The following ETV5 variants were observed in gnomAD, a reference collection of about 807,000 sequenced individuals.
ETV5 encodes ETS translocation variant 5.
A neutral mutation model predicts 70.0 loss-of-function variants in ETV5; 10 were observed. That is an observed-to-expected ratio of 0.14 (90% CI 0.09 to 0.24). The LOEUF (loss-of-function observed/expected upper bound fraction) is 0.24, where lower values mean the gene tolerates loss of function less well. Ranked by LOEUF, ETV5 falls within the 10% of genes least tolerant of loss-of-function variation. The pLI is 1.00. For synonymous variants in ETV5, 216 were observed against 242.2 expected, an observed-to-expected ratio of 0.89 and a Z score of 1.01; for missense variants, 453 against 651.2, an observed-to-expected ratio of 0.70 and a Z score of 3.31.
Position 186,065,911 on chromosome 3 carries a change from T to C in ETV5, c.812A>G (p.Tyr271Cys), listed in dbSNP as rs770229110. Residue 271 changes from tyrosine (Y) to cysteine (C), a missense_variant, in exon 8 of 13, where the codon TAT becomes TGT. This residue lies in a region of ETV5 where 307 missense variants were observed against 344.9 expected (regional missense o/e 0.89). Coordinates refer to ENST00000306376, the MANE Select transcript of ETV5 (RefSeq NM_004454.3). ...TGGCATGCCCGGGACCCCATGTTCA[T>C]AGAGTGGGTCATGGTATTCTTGTTT... ...GFKQEYHDPL[Y>C]EHGVPGMPGP... is the part of the protein sequence containing the mutation. The C allele has an allele frequency of 6.2e-6, 10 of 1,613,740 alleles. No individual in the cohort carries two copies. The highest frequency in any genetic ancestry group is 7.6e-6 in the Non-Finnish European group (9 of 1,179,928).
intron 7 of ETV5, among the ~76,000 whole-genome samples, chr3:186,068,988 GA>G (rs1713521817): frequency 6.6e-6 from 1 of 152,186 alleles, no homozygotes; most frequent in Non-Finnish European, 1.5e-5. Flanking sequence ...TTAATTCAAA[GA>G]ATTCTTGAAT....
rs80227947 is a variant in ETV5, at chr3:186,077,102, G to A, written c.650+2715C>T. Among the ~76,000 whole-genome samples the A allele has an allele frequency of 2.7e-3, 406 of 152,264 alleles. 1 individual carries two copies. The highest frequency in any genetic ancestry group is 4.2e-3 in the Admixed American group (65 of 15,302). On this transcript the variant is annotated intron_variant, in intron 7 of 12. Transcript: ENST00000306376. ...TTAGAAAGTCCTTTAACTGTGCTGA[G>A]GCTTGATTTCTAACCTATAAAATGG... is the stretch of plus-strand genomic sequence containing the variant.
chr3:186,082,873 T>C (rs1270160536), intron 5 of ETV5, among the ~76,000 whole-genome samples: 1 of 152,248 alleles, frequency 6.6e-6, no homozygotes, highest in Non-Finnish European at 1.5e-5. Context: ...TAAAGCAATG[T>C]TGCTGCAAAG....
chr3:186,089,208 C>A (rs1474959404), intron 5 of ETV5, among the ~76,000 whole-genome samples: 1 of 152,170 alleles, frequency 6.6e-6, no homozygotes, highest in East Asian at 1.9e-4. Context: ...AAATAAGAGG[C>A]ATGCTCAAAC....
At chr3:186,096,485 A>G (rs975119719) in intron 5 of ETV5, among the ~76,000 whole-genome samples, 31 of 152,212 alleles carry the variant, frequency 2.0e-4, no homozygotes, top group African/African-American at 7.2e-4. Context: ...AGAAACACAG[A>G]TATCAGCAAC....
Position 186,057,549 on chromosome 3 carries a change from A to T in ETV5, c.971-58T>A. On this transcript the variant is annotated intron_variant, in intron 9 of 12. Transcript: ENST00000306376. The surrounding 1 kb of genome is among the most constrained non-coding windows in gnomAD (Gnocchi z 4.9). The stretch of plus-strand genomic sequence containing the variant: ...CTTAACAAATTCTGTGTTGTACTAA[A>T]ACTATGGATTTAAGGACTAGAGTGC... 2 of 1,422,508 alleles carry T rather than the reference A, an allele frequency of 1.4e-6. No individual in the cohort carries two copies. Among genetic ancestry groups the T allele is most frequent in the South Asian group, 2.3e-5 (2 of 86,846 alleles). The allele number at this position is 1,422,508 out of a possible 1,614,324, so 88.1% of individuals were successfully genotyped here. A position where few individuals can be genotyped will look rare whatever the true frequency, so the allele number is the denominator to read the frequency against.
chr3:186,074,157 A>C (rs1345177979), intron 7 of ETV5, among the ~76,000 whole-genome samples: 1 of 152,168 alleles, frequency 6.6e-6, no homozygotes, highest in African/African-American at 2.4e-5. Flanking sequence ...GAAAAAGACA[A>C]CTACAGATGC....
intron 5 of ETV5, among the ~76,000 whole-genome samples, chr3:186,101,112 C>T (rs933295304): frequency 3.3e-5 from 5 of 152,284 alleles, no homozygotes; most frequent in Admixed American, 3.3e-4. Flanking sequence ...TATGCACTGA[C>T]CCAGATTCCC....
intron 7 of ETV5, among the ~76,000 whole-genome samples, chr3:186,076,076 G>C (rs890168659): frequency 5.3e-5 from 8 of 152,180 alleles, no homozygotes; most frequent in Non-Finnish European, 1.2e-4. Flanking sequence ...TGGGAAGGCT[G>C]AAGGAAAAAA....
intron 9 of ETV5, among the ~76,000 whole-genome samples, chr3:186,062,577 C>T (rs774630680): frequency 6.6e-5 from 10 of 151,980 alleles, no homozygotes; most frequent in South Asian, 2.1e-4. Context: ...AGCTGAGATC[C>T]GCCACTGCAC....
rs772320212 is a variant in ETV5, at chr3:186,064,419, T to C, written c.968A>G (p.Glu323Gly). 6.2e-7 allele frequency: 1 copy of C among 1,614,090 alleles called. No individual in the cohort carries two copies. The highest frequency in any genetic ancestry group is 8.5e-7 in the Non-Finnish European group (1 of 1,179,980). The change falls in exon 9 of 13, where the codon GAA becomes GGA. Residue 323 changes from glutamate (E) to glycine (G), a missense_variant and splice_region_variant. This residue lies in a region of ETV5 where 307 missense variants were observed against 344.9 expected (regional missense o/e 0.89). Transcript: ENST00000306376. ...GGAAAGAAAAGCAGGTTCCTTACCT[T>C]CATGGCTGCTGGAGAAATAACCCCC... is the stretch of plus-strand genomic sequence containing the variant. ...MRGGYFSSSHEGFSYEKDPRL... is the reference protein window; with the variant it reads ...MRGGYFSSSHGGFSYEKDPRL...
chr3:186,073,627 T>C (rs1713700354), intron 7 of ETV5, among the ~76,000 whole-genome samples: 1 of 152,178 alleles, frequency 6.6e-6, no homozygotes, highest in Non-Finnish European at 1.5e-5. Flanking sequence ...GTTTAGAAAT[T>C]AAGAAACATA....
intron 7 of ETV5, chr3:186,077,936 G>GT (rs1713837429): frequency 1.0e-6 from 1 of 981,144 alleles, no homozygotes; most frequent in Non-Finnish European, 1.2e-6. Flanking sequence ...ATAACAAGAA[G>GT]TAAGTCCAAA....
intron 5 of ETV5, among the ~76,000 whole-genome samples, chr3:186,083,681 T>G (rs1713986037): frequency 6.6e-6 from 1 of 152,210 alleles, no homozygotes; most frequent in African/African-American, 2.4e-5. Context: ...AGTATATTCT[T>G]TATACAAAGG....
Position 186,046,953 on chromosome 3 carries a change from T to C in ETV5, c.*1686A>G. 4.3e-6 allele frequency: 1 copy of C among 230,104 alleles called. No individual in the cohort carries two copies. Among genetic ancestry groups the C allele is most frequent in the East Asian group, 6.2e-5 (1 of 16,136 alleles). 14.3% of individuals were successfully genotyped at this position (230,104 alleles called of 1,614,324 possible). ...TTCCATAGCTATAAAGTGCACCCCT[T>C]ATCCCTGCGAACCTCTTCACAAATG... On this transcript the variant is annotated 3_prime_UTR_variant, in exon 13 of 13. Transcript: ENST00000306376.
Position 186,056,157 on chromosome 3 carries a change from G to A in ETV5, c.1209+918C>T, listed in dbSNP as rs144803582. On this transcript the variant is annotated intron_variant, in intron 11 of 12. Coordinates refer to ENST00000306376, the MANE Select transcript of ETV5 (RefSeq NM_004454.3). ...TCTTCTCCACTGAAGAAACGGCACT[G>A]GTTCTGTCAACAGTGTATTTCTGTT... Among the ~76,000 whole-genome samples, 171 of 152,288 alleles carry A rather than the reference G, an allele frequency of 1.1e-3. 1 individual carries two copies. Among genetic ancestry groups the A allele is most frequent in the Non-Finnish European group, 2.0e-3 (136 of 68,026 alleles).
Position 186,046,667 on chromosome 3 carries a change from T to G in ETV5, c.*1972A>C, listed in dbSNP as rs1349141887. 5.1e-6 allele frequency: 1 copy of G among 195,602 alleles called. No individual in the cohort carries two copies. Among genetic ancestry groups the G allele is most frequent in the Non-Finnish European group, 9.5e-6 (1 of 105,214 alleles). The allele number at this position is 195,602 out of a possible 1,614,324, so 12.1% of individuals were successfully genotyped here. A position where few individuals can be genotyped will look rare whatever the true frequency, so the allele number is the denominator to read the frequency against. On this transcript the variant is annotated 3_prime_UTR_variant, in exon 13 of 13. Transcript: ENST00000306376. Reference sequence around the variant, plus strand: ...ATATTGCTAAGACAGCATAAATCCATTCAAAAGAAAAAAAAAAAAAATCCA... The same window carrying G: ...ATATTGCTAAGACAGCATAAATCCAGTCAAAAGAAAAAAAAAAAAAATCCA...
intron 5 of ETV5, among the ~76,000 whole-genome samples, chr3:186,101,140 G>C (rs1203516381): frequency 2.0e-5 from 3 of 152,190 alleles, no homozygotes; most frequent in Non-Finnish European, 4.4e-5. Context: ...GCCGCTCTAT[G>C]TGTTAAGGTA....
At chr3:186,065,698 T>C (rs993440161) in intron 8 of ETV5, 115 bp downstream of exon 8, 13 of 1,293,650 alleles carry the variant, frequency 1.0e-5, no homozygotes, top group South Asian at 5.9e-5. Flanking sequence ...TTATAAAAAT[T>C]ATAAAAAATT....
Sources: gnomAD v4.1 joint callset for allele counts (sites outside exome capture counted in the v4.1 genomes callset) on GRCh38, gnomAD v4.1.1 for gene constraint, gnomAD v4.1.1 regional missense constraint, Gnocchi (gnomAD v3.1) non-coding constraint, MANE v1.5 for transcripts, NCBI Gene and HGNC (gene_info 2026-07-23, HGNC 2026-07-21) for gene names.